Variants in TBC1D15 observed in about 807,000 individuals in gnomAD.
TBC1D15 encodes the protein GAP for RAB7.
Under a neutral mutation model 95.4 loss-of-function variants are expected in TBC1D15, and 39 were observed. That is an observed-to-expected ratio of 0.41 (90% CI 0.32 to 0.53). The LOEUF (loss-of-function observed/expected upper bound fraction) is 0.53. Ranked by LOEUF, TBC1D15 falls within the 20% of genes least tolerant of loss-of-function variation. The probability of loss-of-function intolerance (pLI) is 0.29; values close to 1 mark genes in which losing one functional copy is unlikely to be tolerated. For missense variants in TBC1D15, 733 were observed against 794.3 expected (o/e 0.92, Z 0.93); for synonymous variants, 258 against 261.3 (o/e 0.99, Z 0.12).
Position 71,913,907 on chromosome 12 carries a change from C to T in TBC1D15, c.1382C>T (p.Ala461Val), listed in dbSNP as rs776839503. The stretch of plus-strand genomic sequence containing the variant: ...GAAGTGGATGCCTTTTGGTGCTTTG[C>T]CTCTTACATGGACCAAATGGTAAGA... ...ENEVDAFWCF[A>V]SYMDQMHQNF... Residue 461 changes from alanine to valine, a missense_variant, in exon 12 of 17, where the codon GCC (alanine) becomes GTC (valine). Coordinates refer to ENST00000485960, the MANE Select transcript of TBC1D15 (RefSeq NM_001146213.3). 1 of 1,591,384 alleles carries T rather than the reference C, an allele frequency of 6.3e-7. No homozygotes were observed. Among genetic ancestry groups the T allele is most frequent in the Non-Finnish European group, 8.5e-7 (1 of 1,172,116 alleles).
chr12:71,922,901 T>TA (rs1869978142), intron 16 of TBC1D15, 82 bp from the exon 17 acceptor site: 3 of 1,253,920 alleles, frequency 2.4e-6, no homozygotes, highest in Non-Finnish European at 3.4e-6. Context: ...GGAATCAATG[T>TA]AGTCTTAAAC....
At chr12:71,874,557 C>T (rs1893371869) in intron 3 of TBC1D15, among the ~76,000 whole-genome samples, 1 of 151,608 alleles carries the variant, frequency 6.6e-6, no homozygotes, top group South Asian at 2.1e-4. Flanking sequence ...GGAGGGCCAA[C>T]TGTATCTTCT....
intron 1 of TBC1D15, among the ~76,000 whole-genome samples, chr12:71,856,265 A>G (rs960280383): frequency 2.0e-5 from 3 of 152,326 alleles, no homozygotes; most frequent in East Asian, 1.9e-4. Flanking sequence ...GGTCTTATAT[A>G]GACTTTTAGT....
chr12:71,843,070 A>AG (rs1266343456), intron 1 of TBC1D15, among the ~76,000 whole-genome samples: 1 of 151,926 alleles, frequency 6.6e-6, no homozygotes, highest in Non-Finnish European at 1.5e-5. Context: ...GGATTACTTG[A>AG]GGTCGGGAGT....
intron 11 of TBC1D15, among the ~76,000 whole-genome samples, chr12:71,912,165 CTGA>C (rs761553109): frequency 2.0e-5 from 3 of 152,100 alleles, no homozygotes; most frequent in Non-Finnish European, 4.4e-5. Flanking sequence ...TAGGAAAGTT[CTGA>C]TGATAACAAT....
chr12:71,855,058 A>C (rs1264495841), intron 1 of TBC1D15, among the ~76,000 whole-genome samples: 3 of 152,178 alleles, frequency 2.0e-5, no homozygotes, highest in African/African-American at 7.2e-5. Context: ...ATGGCTGGGG[A>C]GGCCTCAGGA....
intron 1 of TBC1D15, among the ~76,000 whole-genome samples, chr12:71,871,666 AC>A (rs1426380082): frequency 6.6e-6 from 1 of 152,142 alleles, no homozygotes; most frequent in African/African-American, 2.4e-5. Flanking sequence ...CAGTCATAGC[AC>A]CCTACAACCT....
intron 10 of TBC1D15, 48 bp from the exon 11 acceptor site, chr12:71,906,974 A>G (rs770356284): frequency 1.9e-5 from 24 of 1,233,202 alleles, no homozygotes; most frequent in East Asian, 7.1e-5. Flanking sequence ...CTTTATCACA[A>G]TCTGTTTTTT....
intron 11 of TBC1D15, among the ~76,000 whole-genome samples, chr12:71,912,002 G>T (rs186593075): frequency 1.3e-4 from 20 of 152,188 alleles, no homozygotes; most frequent in Admixed American, 5.9e-4. Context: ...TAAATCTTTT[G>T]AATAGCACAC....
In TBC1D15 at chr12:71,894,687, A is replaced by G. The variant is rs866145712; in HGVS notation, c.659A>G (p.Lys220Arg). 3.1e-6 allele frequency: 5 copies of G among 1,609,210 alleles called. 1 individual carries two copies. The Admixed American group carries it at 8.5e-5, about 27-fold the overall frequency. ...AATATTTTTCTTCCTACTGCATAGA[A>G]AATTAAAAAGGACCCTTATACGGCA... is the stretch of plus-strand genomic sequence containing the variant. ...LDEPAYGLIQKIKKDPYTATM... is the reference protein window; with the variant it reads ...LDEPAYGLIQRIKKDPYTATM... Residue 220 changes from lysine to arginine, a missense_variant and splice_region_variant, in exon 7 of 17, where the codon AAA becomes AGA. Coordinates refer to ENST00000485960, the MANE Select transcript of TBC1D15 (RefSeq NM_001146213.3).
chr12:71,861,427 A>G, intron 1 of TBC1D15: 1 of 1,492,836 alleles, frequency 6.7e-7, no homozygotes, highest in Non-Finnish European at 8.9e-7. Flanking sequence ...TTCTTGATTC[A>G]ATCTTGATAA....
rs138380876 is a variant in TBC1D15, at chr12:71,877,693, C to T, written c.205-2776C>T. Among the ~76,000 whole-genome samples the T allele has an allele frequency of 3.3e-3, 506 of 152,016 alleles. 1 individual carries two copies. Among genetic ancestry groups the T allele is most frequent in the African/African-American group, 0.012 (483 of 41,442 alleles). On this transcript the variant is annotated intron_variant, in intron 3 of 16. Transcript: ENST00000485960. Reference sequence around the variant, plus strand: ...ACATCTTTCTTGTTCTGAGTGTCCTCGTGTCCCCTTTTAAAGGAATAGCAT... The same window carrying T: ...ACATCTTTCTTGTTCTGAGTGTCCTTGTGTCCCCTTTTAAAGGAATAGCAT...
chr12:71,884,341 G>A (rs145981059), intron 4 of TBC1D15, among the ~76,000 whole-genome samples: 317 of 152,146 alleles, frequency 2.1e-3, no homozygotes, highest in African/African-American at 7.1e-3. Flanking sequence ...AGAATTTTCG[G>A]TATACTTGGC....
chr12:71,872,257 G>GT lies in TBC1D15; in HGVS notation c.129+90dup, dbSNP rs1305231527. 1.6e-5 allele frequency: 11 copies of GT among 686,254 alleles called. No individual in the cohort carries two copies. In the East Asian group the frequency reaches 3.1e-4, roughly 20 times the overall value. 42.5% of individuals were successfully genotyped at this position (686,254 alleles called of 1,614,324 possible). A position where few individuals can be genotyped will look rare whatever the true frequency, so the allele number is the denominator to read the frequency against. On this transcript the variant is annotated intron_variant, in intron 2 of 16. Coordinates refer to ENST00000485960, the MANE Select transcript of TBC1D15 (RefSeq NM_001146213.3). Reference sequence around the variant, plus strand: ...TTATCAGAAAGTTTGAATTTCATGTGTAAGATACAATTATGTAATTGAACA... The same window carrying GT: ...TTATCAGAAAGTTTGAATTTCATGTGTTAAGATACAATTATGTAATTGAACA...
chr12:71,923,127 T>C lies in TBC1D15; in HGVS notation c.1948T>C (p.Ser650Pro), dbSNP rs1431037049. Residue 650 changes from serine to proline, a missense_variant, in exon 17 of 17, where the codon TCT (serine) becomes CCT (proline). Transcript: ENST00000485960. ...AFQSNALPTLSASGARNDSPT... is the reference protein window; with the variant it reads ...AFQSNALPTLPASGARNDSPT... ...TCAAAGTAATGCCTTGCCTACACTC[T>C]CTGCCAGTGGAGCCAGAAATGACAG... The C allele has an allele frequency of 3.7e-6, 6 of 1,614,098 alleles. No homozygotes were observed. Among genetic ancestry groups the C allele is most frequent in the East Asian group, 4.5e-5 (2 of 44,890 alleles).
At chr12:71,872,034 G>C in intron 1 of TBC1D15, 36 bp from the exon 2 acceptor site, 1 of 1,014,678 alleles carries the variant, frequency 9.9e-7, no homozygotes, top group South Asian at 2.1e-5. Flanking sequence ...GTACTCAATA[G>C]AAATTATGTG....
chr12:71,881,565 C>T (rs910123165), intron 4 of TBC1D15, among the ~76,000 whole-genome samples: 1 of 151,756 alleles, frequency 6.6e-6, no homozygotes, highest in Non-Finnish European at 1.5e-5. Flanking sequence ...TGTAGCTTAG[C>T]AAAAAACGAC....
At chr12:71,840,089 C>CA (rs1884539221) in intron 1 of TBC1D15, among the ~76,000 whole-genome samples, 1 of 152,208 alleles carries the variant, frequency 6.6e-6, no homozygotes, top group South Asian at 2.1e-4. Flanking sequence ...TACTAAGGGA[C>CA]AGGTGGCTCT....
Position 71,896,689 on chromosome 12 carries a change from G to A in TBC1D15, c.997G>A (p.Ala333Thr). Residue 333 changes from alanine to threonine, a missense_variant, in exon 9 of 17, where the codon GCA (alanine) becomes ACA (threonine). Transcript: ENST00000485960. ...ATGCTTTCTTCAGGGACTTAGTCAT[G>A]CATTGAGAAAGCAAGCATGGAAATT... The part of the protein sequence containing the change: ...QMIFRGGLSH[A>T]LRKQAWKFLL... 1 of 1,612,260 alleles carries A rather than the reference G, an allele frequency of 6.2e-7. No individual in the cohort carries two copies.
Sources: allele counts gnomAD v4.1 joint callset (sites outside exome capture counted in the v4.1 genomes callset), GRCh38; gene constraint gnomAD v4.1.1; transcripts MANE v1.5; gene names NCBI Gene and HGNC (gene_info 2026-07-23, HGNC 2026-07-21).